Variants in MGAT4C observed in about 807,000 individuals in gnomAD.
MGAT4C encodes the protein MGAT4 family member C, also known as alpha-1,3-mannosyl-glycoprotein 4-beta-N-acetylglucosaminyltransferase C.
MGAT4C carries 19 observed loss-of-function variants against 40.1 expected under a neutral mutation model. The ratio of observed to expected loss-of-function variants is 0.47; its 90% CI spans 0.33 to 0.70. MGAT4C has a LOEUF of 0.70. Among genes scored for constraint, MGAT4C ranks in the 30% least tolerant of loss-of-function variants. The probability of loss-of-function intolerance (pLI) is 0.02; values close to 1 mark genes in which losing one functional copy is unlikely to be tolerated. For synonymous variants in MGAT4C, 181 were observed against 187.1 expected (o/e 0.97, Z 0.27); for missense variants, 491 against 563.2 (o/e 0.87, Z 1.30).
intron 3 of MGAT4C, among the ~76,000 whole-genome samples, chr12:86,425,936 T>C (rs1956916990): frequency 6.6e-6 from 1 of 152,200 alleles, no homozygotes; most frequent in Non-Finnish European, 1.5e-5. Flanking sequence ...AATATGCCAA[T>C]ATTAATAATC....
intron 2 of MGAT4C, among the ~76,000 whole-genome samples, chr12:86,440,371 C>T (rs933286934): frequency 6.6e-6 from 1 of 151,862 alleles, no homozygotes; most frequent in Non-Finnish European, 1.5e-5. Flanking sequence ...GAATTAAAAA[C>T]AAAAACCATA....
intron 2 of MGAT4C, among the ~76,000 whole-genome samples, chr12:86,706,807 G>A (rs1950467416): frequency 1.3e-5 from 2 of 152,062 alleles, no homozygotes; most frequent in Admixed American, 6.6e-5. Context: ...ATATGATTTG[G>A]CTGTGTCCCT....
intron 1 of MGAT4C, among the ~76,000 whole-genome samples, chr12:86,159,046 C>G (rs550160120): frequency 6.6e-6 from 1 of 152,230 alleles, no homozygotes; most frequent in Non-Finnish European, 1.5e-5. Flanking sequence ...CCTGACTGCT[C>G]TGGCTAGGAC....
rs1883977796 is a variant in MGAT4C at position 85,976,305 on chromosome 12, A to G, written c.*2984T>C. On this transcript the variant is annotated 3_prime_UTR_variant, in exon 5 of 5. Coordinates refer to ENST00000611864, the MANE Select transcript of MGAT4C (RefSeq NM_001351288.2). The stretch of plus-strand genomic sequence containing the variant: ...TAAATAGCACAAAGTTATAGTTTTC[A>G]ATGAATATGAAAAAGTTCTTGCATT... 6.6e-6 allele frequency: 1 copy of G among 151,074 alleles called. No homozygotes were observed. Among genetic ancestry groups the G allele is most frequent in the Non-Finnish European group, 1.5e-5 (1 of 67,200 alleles). 9.4% of individuals were successfully genotyped at this position (151,074 alleles called of 1,614,324 possible). A position where few individuals can be genotyped will look rare whatever the true frequency, so the allele number is the denominator to read the frequency against.
chr12:86,764,812 G>C (rs374109551), intron 1 of MGAT4C, among the ~76,000 whole-genome samples: 1 of 152,022 alleles, frequency 6.6e-6, no homozygotes, highest in Admixed American at 6.6e-5. Flanking sequence ...GGTCCTGTCT[G>C]TTAGAAGGAA....
intron 2 of MGAT4C, among the ~76,000 whole-genome samples, chr12:86,700,887 T>C (rs1181260961): frequency 6.6e-6 from 1 of 152,136 alleles, no homozygotes; most frequent in Non-Finnish European, 1.5e-5. Flanking sequence ...AATTAAGCTT[T>C]ATTGATAGTA....
chr12:86,062,791 CAATAA>C (rs1894126090), intron 1 of MGAT4C, among the ~76,000 whole-genome samples: 1 of 151,148 alleles, frequency 6.6e-6, no homozygotes, highest in African/African-American at 2.4e-5. Context: ...AAGATCAACT[CAATAA>C]AATAAAGTGA....
chr12:86,772,345 A>C (rs1951654120), intron 1 of MGAT4C, among the ~76,000 whole-genome samples: 1 of 152,220 alleles, frequency 6.6e-6, no homozygotes, highest in Non-Finnish European at 1.5e-5. Flanking sequence ...GAAGAAAATA[A>C]AGATGAAACA....
chr12:86,567,750 T>C (rs1382686143), intron 2 of MGAT4C, among the ~76,000 whole-genome samples: 1 of 152,226 alleles, frequency 6.6e-6, no homozygotes, highest in Middle Eastern at 3.2e-3. Flanking sequence ...ACGTGACCAG[T>C]TGCAGAAATG....
At chr12:86,043,499 C>T (rs1000953200) in intron 2 of MGAT4C, among the ~76,000 whole-genome samples, 1 of 152,140 alleles carries the variant, frequency 6.6e-6, no homozygotes, top group Non-Finnish European at 1.5e-5. Context: ...CTAGTCCTTC[C>T]ACATTCTTCT....
chr12:86,430,896 G>A (rs888468483), intron 3 of MGAT4C, among the ~76,000 whole-genome samples: 11 of 152,208 alleles, frequency 7.2e-5, no homozygotes, highest in Non-Finnish European at 1.5e-4. Flanking sequence ...AGGTTAAGTA[G>A]GTTTAGCCCA....
intron 1 of MGAT4C, among the ~76,000 whole-genome samples, chr12:86,187,085 T>C (rs12307039): frequency 0.062 from 9,482 of 152,116 alleles, 991 homozygotes; most frequent in African/African-American, 0.22. Flanking sequence ...ACATTTTTTT[T>C]CATGCTCTAT....
chr12:86,320,187 T>C (rs1251536605), intron 4 of MGAT4C, among the ~76,000 whole-genome samples: 1 of 152,150 alleles, frequency 6.6e-6, no homozygotes, highest in Non-Finnish European at 1.5e-5. Context: ...AGGAAACTAA[T>C]CTGATAATCC....
At chr12:86,125,708 G>T (rs1356224968) in intron 1 of MGAT4C, among the ~76,000 whole-genome samples, 1 of 151,944 alleles carries the variant, frequency 6.6e-6, no homozygotes, top group South Asian at 2.1e-4. Flanking sequence ...TAATTGGAGA[G>T]GACAAAATAC....
chr12:86,013,836 C>T (rs1218114851), intron 2 of MGAT4C: 5 of 796,938 alleles, frequency 6.3e-6, no homozygotes, highest in Non-Finnish European at 7.6e-6. Flanking sequence ...CATTTTCCAT[C>T]ATTCTATTCA....
chr12:86,612,049 G>A (rs962384382), intron 2 of MGAT4C, among the ~76,000 whole-genome samples: 3 of 151,820 alleles, frequency 2.0e-5, no homozygotes, highest in African/African-American at 7.3e-5. Flanking sequence ...TCAACCTCTG[G>A]GCTCAGAATA....
intron 3 of MGAT4C, among the ~76,000 whole-genome samples, chr12:86,387,134 T>C (rs1459142853): frequency 1.3e-5 from 2 of 152,140 alleles, no homozygotes; most frequent in Non-Finnish European, 2.9e-5. Context: ...CTCCTCCAAA[T>C]ACAAAGTGTA....
chr12:86,154,333 T>C (rs1019242249), intron 1 of MGAT4C, among the ~76,000 whole-genome samples: 2 of 152,142 alleles, frequency 1.3e-5, no homozygotes, highest in African/African-American at 4.8e-5. Flanking sequence ...AATGAGATGT[T>C]CGTTAATGCT....
At chr12:86,117,318 T>A (rs1315616633) in intron 1 of MGAT4C, among the ~76,000 whole-genome samples, 1 of 152,160 alleles carries the variant, frequency 6.6e-6, no homozygotes, top group Non-Finnish European at 1.5e-5. Context: ...TGAGAGTGTA[T>A]CAGGGATTTT....
Sources: allele counts gnomAD v4.1 joint callset (sites outside exome capture counted in the v4.1 genomes callset), GRCh38; gene constraint gnomAD v4.1.1; transcripts MANE v1.5; gene names NCBI Gene and HGNC (gene_info 2026-07-23, HGNC 2026-07-21).